Variants in MAPK6 observed in about 807,000 individuals in gnomAD.
MAPK6 encodes ERK-3.
MAPK6 carries 19 observed loss-of-function variants against 59.3 expected under a neutral mutation model. The observed-to-expected ratio is 0.32, with a 90% CI of 0.22 to 0.47. The LOEUF (loss-of-function observed/expected upper bound fraction) is 0.47. MAPK6 is among the 20% of genes least tolerant of loss of function. The probability of loss-of-function intolerance (pLI) is 1.00; values close to 1 mark genes in which losing one functional copy is unlikely to be tolerated. For missense variants in MAPK6, 724 were observed against 847.9 expected (o/e 0.85, Z 1.81); for synonymous variants, 316 against 290.3 (o/e 1.09, Z -0.90).
chr15:52,062,148 C>T (rs1337719379), intron 5 of MAPK6, among the ~76,000 whole-genome samples: 1 of 149,848 alleles, frequency 6.7e-6, no homozygotes, highest in Non-Finnish European at 1.5e-5. Flanking sequence ...GATGCAAGCT[C>T]AGCTCACTGT....
At chr15:52,031,985 C>G (rs940868940) in intron 1 of MAPK6, among the ~76,000 whole-genome samples, 8 of 151,876 alleles carry the variant, frequency 5.3e-5, no homozygotes, top group Non-Finnish European at 8.8e-5. Flanking sequence ...ACTGCAAGCC[C>G]TGCCTCCCGG....
intron 3 of MAPK6, among the ~76,000 whole-genome samples, chr15:52,055,663 A>G (rs779828934): frequency 6.6e-6 from 1 of 152,000 alleles, no homozygotes; most frequent in East Asian, 1.9e-4. Context: ...CTATAGGTGC[A>G]TGCCTCCATG....
At chr15:52,061,602 T>A in intron 5 of MAPK6, 102 bp downstream of exon 5, 1 of 907,260 alleles carries the variant, frequency 1.1e-6, no homozygotes, top group Non-Finnish European at 1.6e-6. Flanking sequence ...GTAGAAGTCT[T>A]AAAAATTTAG....
chr15:51,985,744 G>T (rs1469559511), intron 2 of MAPK6, among the ~76,000 whole-genome samples: 3 of 152,098 alleles, frequency 2.0e-5, no homozygotes, highest in Admixed American at 6.5e-5. Flanking sequence ...AGATCACAAG[G>T]TCAGGACATC....
chr15:51,978,079 G>T (rs1283614800), intron 1 of MAPK6, among the ~76,000 whole-genome samples: 2 of 151,716 alleles, frequency 1.3e-5, no homozygotes, highest in African/African-American at 4.8e-5. Flanking sequence ...GAGAAAAGCT[G>T]TTGAGATAGG....
chr15:52,050,873 T>G (rs2031756078), intron 3 of MAPK6, among the ~76,000 whole-genome samples: 1 of 151,318 alleles, frequency 6.6e-6, no homozygotes, highest in Non-Finnish European at 1.5e-5. Flanking sequence ...CAAATAATAA[T>G]AAACATATTT....
At chr15:52,024,907 A>C (rs2030703590) in intron 1 of MAPK6, among the ~76,000 whole-genome samples, 2 of 130,124 alleles carry the variant, frequency 1.5e-5, no homozygotes, top group Non-Finnish European at 3.2e-5. Context: ...TTTTTTAAGA[A>C]TTGGAGTCTC....
At chr15:52,061,631 AT>A in intron 5 of MAPK6, 131 bp downstream of exon 5, 1 of 734,608 alleles carries the variant, frequency 1.4e-6, no homozygotes, top group Non-Finnish European at 2.2e-6. Context: ...AGATACAAAA[AT>A]TAGTCAGGTG....
chr15:52,054,777 CATAT>C (rs1019104083), intron 3 of MAPK6, among the ~76,000 whole-genome samples: 5 of 148,038 alleles, frequency 3.4e-5, no homozygotes, highest in South Asian at 2.1e-4. Context: ...TACACACATA[CATAT>C]ATATATAATT....
chr15:52,033,364 G>A (rs552618109), intron 1 of MAPK6, among the ~76,000 whole-genome samples: 5 of 152,274 alleles, frequency 3.3e-5, no homozygotes, highest in East Asian at 3.9e-4. Flanking sequence ...GGCTGCCACC[G>A]AGGCTAGAAC....
intron 3 of MAPK6, among the ~76,000 whole-genome samples, chr15:52,053,903 C>G (rs906110228): frequency 1.3e-5 from 2 of 152,010 alleles, no homozygotes; most frequent in South Asian, 4.2e-4. Flanking sequence ...TCCCAAAGTG[C>G]TGGGATTACA....
At chr15:52,029,210 G>A (rs1595983317) in intron 1 of MAPK6, among the ~76,000 whole-genome samples, 1 of 152,122 alleles carries the variant, frequency 6.6e-6, no homozygotes, top group East Asian at 1.9e-4. Context: ...GCTAATTTTT[G>A]TATTTTTAGT....
rs1444834182 is a variant in MAPK6, at chr15:52,036,259, T to TGTA, written c.-631-9569_-631-9567dup. Among the ~76,000 whole-genome samples, 9 of 152,380 alleles carry TGTA rather than the reference T, an allele frequency of 5.9e-5. No individual in the cohort carries two copies. The East Asian group carries it at 1.7e-3, about 29-fold the overall frequency. ...TGAAATTCTTTGACTACACAGCTGA[T>TGTA]GTAGCCACAGATCCTGGAGTAGACC... is the stretch of plus-strand genomic sequence containing the variant. On this transcript the variant is annotated intron_variant, in intron 1 of 5. Transcript: ENST00000261845.
At chr15:52,052,021 C>T (rs79582443) in intron 3 of MAPK6, among the ~76,000 whole-genome samples, 4,218 of 152,228 alleles carry the variant, frequency 0.028, 99 homozygotes, top group Non-Finnish European at 0.046. Flanking sequence ...AAGTGCCTTC[C>T]AGCATATATA....
chr15:52,016,052 T>TCGCGTG (rs1555396565), upstream of MAPK6, among the ~76,000 whole-genome samples: 4 of 68,718 alleles, frequency 5.8e-5, no homozygotes, highest in African/African-American at 2.5e-4. Flanking sequence ...CCAAACTCCA[T>TCGCGTG]CGCGCGCGCG....
At chr15:52,032,594 T>G (rs1043484361) in intron 1 of MAPK6, among the ~76,000 whole-genome samples, 6 of 152,282 alleles carry the variant, frequency 3.9e-5, no homozygotes, top group Non-Finnish European at 5.9e-5. Flanking sequence ...TTTGGTGTAT[T>G]TTTCTTTCAT....
upstream of MAPK6, among the ~76,000 whole-genome samples, chr15:52,018,279 T>C (rs986937943): frequency 1.3e-5 from 2 of 152,172 alleles, no homozygotes; most frequent in African/African-American, 2.4e-5. Context: ...TCTGCCCGTC[T>C]CGGCCTCCCA....
chr15:51,976,908 T>C (rs1249447697), intron 1 of MAPK6, among the ~76,000 whole-genome samples: 1 of 151,352 alleles, frequency 6.6e-6, no homozygotes, highest in African/African-American at 2.4e-5. Flanking sequence ...AAGCCACTGC[T>C]CTCCAGCCTG....
intron 3 of MAPK6, chr15:52,011,482 A>C (rs367833731): frequency 1.3e-5 from 2 of 152,248 alleles, no homozygotes; most frequent in Non-Finnish European, 2.9e-5. Flanking sequence ...GAGAAAATAC[A>C]TGTTAGATAA....
Sources: gnomAD v4.1 joint callset for allele counts (sites outside exome capture counted in the v4.1 genomes callset) on GRCh38, gnomAD v4.1.1 for gene constraint, MANE v1.5 for transcripts, NCBI Gene and HGNC (gene_info 2026-07-23, HGNC 2026-07-21) for gene names.